Variants in PDE4D observed in about 807,000 individuals in gnomAD.
PDE4D encodes the protein 3',5'-cyclic-AMP phosphodiesterase 4D.
In PDE4D, 24 loss-of-function variants were observed where a neutral mutation model predicts 87.4. That is an observed-to-expected ratio of 0.27 (90% CI 0.20 to 0.39). The LOEUF (loss-of-function observed/expected upper bound fraction) is 0.39. PDE4D is among the 10% of genes least tolerant of loss of function. The pLI is 1.00. For missense variants in PDE4D, 714 were observed against 1,041.0 expected, an observed-to-expected ratio of 0.69 and a Z score of 4.32; for synonymous variants, 384 against 383.2, an observed-to-expected ratio of 1.00 and a Z score of -0.02.
chr5:60,125,644 T>C (rs188474292), intron 2 of PDE4D, among the ~76,000 whole-genome samples: 53 of 152,252 alleles, frequency 3.5e-4, no homozygotes, highest in Non-Finnish European at 7.4e-4. Flanking sequence ...ATTAGATAGA[T>C]AGATAATTAT....
rs146150203 is a variant in PDE4D, at chr5:59,822,121, C to T, written c.455+71047G>A. On this transcript the variant is annotated intron_variant, in intron 1 of 14. Transcript: ENST00000340635. ...TACTGTTTATTTAATCTGATACTGA[C>T]GAAAAATTGGTCTATTTATATATGA... 1.6e-3 allele frequency among the ~76,000 whole-genome samples: 240 copies of T among 152,062 alleles called. 1 individual carries two copies. Among genetic ancestry groups the T allele is most frequent in the Non-Finnish European group, 2.1e-3 (143 of 67,994 alleles).
chr5:59,376,053 A>T (rs1158345003), intron 1 of PDE4D, among the ~76,000 whole-genome samples: 1 of 152,220 alleles, frequency 6.6e-6, no homozygotes, highest in Non-Finnish European at 1.5e-5. Flanking sequence ...AATAAGAGCC[A>T]TCAATGATAT....
At chr5:59,042,546 A>G (rs997089038) in intron 5 of PDE4D, among the ~76,000 whole-genome samples, 2 of 152,190 alleles carry the variant, frequency 1.3e-5, no homozygotes, top group South Asian at 2.1e-4. Flanking sequence ...TTAAAAATAC[A>G]TGAAAACTCT....
chr5:59,185,131 T>C, intron 4 of PDE4D, 58 bp downstream of exon 4: 4 of 1,365,034 alleles, frequency 2.9e-6, no homozygotes, highest in South Asian at 1.2e-5. Context: ...CTCAATCAAG[T>C]TGAGAAAACT....
chr5:59,319,905 A>G (rs1774410900), intron 1 of PDE4D, among the ~76,000 whole-genome samples: 1 of 152,142 alleles, frequency 6.6e-6, no homozygotes, highest in South Asian at 2.1e-4. Context: ...ACATCTTCTA[A>G]GCCTCAAGCC....
chr5:60,293,951 A>G (rs763740727), intron 1 of PDE4D, among the ~76,000 whole-genome samples: 79 of 152,350 alleles, frequency 5.2e-4, no homozygotes, highest in Admixed American at 1.4e-3. Flanking sequence ...TGGGTAAACA[A>G]TAGGAGTGGA....
chr5:60,227,790 C>T lies in PDE4D; in HGVS notation c.-89-42103G>A, dbSNP rs373720912. Among the ~76,000 whole-genome samples, 43 of 152,212 alleles carry T rather than the reference C, an allele frequency of 2.8e-4. No individual in the cohort carries two copies. The East Asian group carries it at 6.6e-3, about 23-fold the overall frequency. ...ACAAATTGTCAGTCTTGTTATTTGC[C>T]ATGATCTTCAGCTGATCTCTTAAAT... On this transcript the variant is annotated intron_variant, in intron 1 of 16. Transcript: ENST00000502484.
At chr5:59,075,254 C>T (rs1765498585) in intron 5 of PDE4D, among the ~76,000 whole-genome samples, 1 of 152,122 alleles carries the variant, frequency 6.6e-6, no homozygotes, top group African/African-American at 2.4e-5. Flanking sequence ...AAATTTTCAG[C>T]TCATTTTGGC....
rs145560252 is a variant in PDE4D at position 59,326,156 on chromosome 5, T to C, written c.456-110188A>G. Among the ~76,000 whole-genome samples, 5 of 152,098 alleles carry C rather than the reference T, an allele frequency of 3.3e-5. No individual in the cohort carries two copies. The East Asian group carries it at 9.7e-4, about 30-fold the overall frequency. On this transcript the variant is annotated intron_variant, in intron 1 of 14. Transcript: ENST00000340635. ...GGGGAAGGGATAGCATTAGGAGATATACCTAATGCTAGATGACGAGTTAAT... is the reference window on the plus strand; with the variant it reads ...GGGGAAGGGATAGCATTAGGAGATACACCTAATGCTAGATGACGAGTTAAT...
intron 2 of PDE4D, among the ~76,000 whole-genome samples, chr5:60,063,174 AAG>A (rs1302599274): frequency 1.1e-4 from 16 of 151,000 alleles, no homozygotes; most frequent in African/African-American, 3.9e-4. Flanking sequence ...AAGAAAGAAA[AAG>A]AGAAAGAAAA....
intron 5 of PDE4D, chr5:59,166,482 T>C (rs1781943277): frequency 6.6e-6 from 1 of 152,154 alleles, no homozygotes; most frequent in African/African-American, 2.4e-5. Flanking sequence ...GTAAAAGAAA[T>C]TTCCCAGAAA....
intron 2 of PDE4D, among the ~76,000 whole-genome samples, chr5:60,134,380 A>G (rs1316048388): frequency 6.6e-6 from 1 of 152,068 alleles, no homozygotes; most frequent in African/African-American, 2.4e-5. Flanking sequence ...TGGCCCACAC[A>G]TGTGGTCCTA....
chr5:58,999,553 G>GCA, intron 6 of PDE4D: 2 of 1,064,402 alleles, frequency 1.9e-6, no homozygotes, highest in South Asian at 4.0e-5. Context: ...TTGATTATAT[G>GCA]TATATATATA....
At chr5:59,873,162 C>T (rs1748075350) in intron 1 of PDE4D, among the ~76,000 whole-genome samples, 1 of 152,120 alleles carries the variant, frequency 6.6e-6, no homozygotes, top group Non-Finnish European at 1.5e-5. Context: ...AGTCTAATTC[C>T]AATTCTCTAG....
intron 1 of PDE4D, among the ~76,000 whole-genome samples, chr5:59,409,669 C>A (rs1190892089): frequency 1.3e-5 from 2 of 152,212 alleles, no homozygotes; most frequent in African/African-American, 2.4e-5. Context: ...TCCCCAGAAG[C>A]TGAGCAGATG....
rs3061466 is a variant in PDE4D, at chr5:59,181,543, GATATAT to G, written c.759-905_759-900del. Among the ~76,000 whole-genome samples, 16 of 118,904 alleles carry G rather than the reference GATATAT, an allele frequency of 1.3e-4. 1 individual carries two copies. Among genetic ancestry groups the G allele is most frequent in the East Asian group, 9.1e-4 (4 of 4,410 alleles). 78.0% of individuals were successfully genotyped at this position (118,904 alleles called of 152,430 possible). ...CTTTTAGATACATTCAAAGATGTCTGATATATATATATATATATATATATATATTAG... is the reference window on the plus strand; with the variant it reads ...CTTTTAGATACATTCAAAGATGTCTGATATATATATATATATATATATTAG... On this transcript the variant is annotated intron_variant, in intron 4 of 14. Transcript: ENST00000340635.
rs1342889321 is a variant in PDE4D, at chr5:58,975,267, A to AAATT, written c.2014-191_2014-188dup. On this transcript the variant is annotated intron_variant, in intron 14 of 14. Transcript: ENST00000340635. This position sits in a 1 kb window ranked among gnomAD's most constrained non-coding sequence, Gnocchi z 4.2. ...GTAAAGTATTGCTACTAGCTGGTCA[A>AAATT]AATTAGCTTCTAGAACCTTTGGTTA... Among the ~76,000 whole-genome samples the AAATT allele has an allele frequency of 6.6e-6, 1 of 152,068 alleles. No homozygotes were observed. Among genetic ancestry groups the AAATT allele is most frequent in the Admixed American group, 6.6e-5 (1 of 15,238 alleles).
At chr5:60,071,434 T>G (rs766951736) in intron 2 of PDE4D, among the ~76,000 whole-genome samples, 5 of 152,098 alleles carry the variant, frequency 3.3e-5, no homozygotes, top group Admixed American at 6.6e-5. Context: ...TTGCCTTCTG[T>G]AAGGAAGTCT....
chr5:60,389,667 C>G (rs1210226237), intron 1 of PDE4D, among the ~76,000 whole-genome samples: 1 of 152,178 alleles, frequency 6.6e-6, no homozygotes, highest in Non-Finnish European at 1.5e-5. Flanking sequence ...TCAAAGATGA[C>G]TCTCACACAT....
Sources: gnomAD v4.1 joint callset for allele counts (sites outside exome capture counted in the v4.1 genomes callset) on GRCh38, gnomAD v4.1.1 for gene constraint, Gnocchi (gnomAD v3.1) non-coding constraint, MANE v1.5 for transcripts, NCBI Gene and HGNC (gene_info 2026-07-23, HGNC 2026-07-21) for gene names.